GPR158: variants seen among roughly 807,000 people sequenced by gnomAD.
GPR158 encodes the protein G protein-coupled receptor 158, also known as metabotropic glycine receptor.
Under a neutral mutation model 78.2 loss-of-function variants are expected in GPR158, and 30 were observed. The observed-to-expected ratio is 0.38, with a 90% CI of 0.29 to 0.52. The LOEUF (loss-of-function observed/expected upper bound fraction) is 0.52. GPR158 is among the 20% of genes least tolerant of loss of function. The pLI is 0.83. For missense variants in GPR158, 1,463 were observed against 1,523.5 expected (o/e 0.96, Z 0.66); for synonymous variants, 581 against 591.1 (o/e 0.98, Z 0.25).
intron 5 of GPR158, among the ~76,000 whole-genome samples, chr10:25,469,182 T>A (rs1835461228): frequency 6.6e-6 from 1 of 152,204 alleles, no homozygotes; most frequent in Admixed American, 6.5e-5. Context: ...ATGTACACTC[T>A]CTCTTGGTGA....
At position 25,460,895 on chromosome 10, in the gene GPR158, A is replaced by T. The variant is rs116471196; in HGVS notation, c.1336-5756A>T. 2.7e-3 allele frequency among the ~76,000 whole-genome samples: 418 copies of T among 152,300 alleles called. 1 individual carries two copies. The highest frequency in any genetic ancestry group is 9.5e-3 in the African/African-American group (393 of 41,566). ...GTGTCACATTTTGGTAATTCTTGCA[A>T]TATTTCAGCAAATGCTTTTAGTATT... On this transcript the variant is annotated intron_variant, in intron 4 of 10. Coordinates refer to ENST00000376351, the MANE Select transcript of GPR158 (RefSeq NM_020752.3).
intron 2 of GPR158, among the ~76,000 whole-genome samples, chr10:25,272,069 A>G (rs1443757426): frequency 2.6e-5 from 4 of 152,094 alleles, no homozygotes; most frequent in Non-Finnish European, 5.9e-5. Context: ...AGAGGACTCA[A>G]AGGGTTGCTG....
intron 2 of GPR158, among the ~76,000 whole-genome samples, chr10:25,236,561 C>A (rs1213584003): frequency 6.6e-6 from 1 of 152,138 alleles, no homozygotes; most frequent in Non-Finnish European, 1.5e-5. Flanking sequence ...AATACCCAAC[C>A]ACTTGCCTTC....
chr10:25,429,988 A>G (rs1211736490), intron 4 of GPR158, among the ~76,000 whole-genome samples: 1 of 139,902 alleles, frequency 7.1e-6, no homozygotes, highest in Non-Finnish European at 1.6e-5. Flanking sequence ...CCTATTCAAC[A>G]TAGTGTTGGA....
At position 25,212,627 on chromosome 10, in the gene GPR158, C is replaced by CTTTTTTTTTTT. The variant is rs10642944; in HGVS notation, c.903-8413_903-8403dup. 5.2e-4 allele frequency among the ~76,000 whole-genome samples: 41 copies of CTTTTTTTTTTT among 78,574 alleles called. 3 individuals are homozygous for CTTTTTTTTTTT. Among genetic ancestry groups the CTTTTTTTTTTT allele is most frequent in the East Asian group, 1.8e-3 (4 of 2,172 alleles). 51.5% of individuals were successfully genotyped at this position (78,574 alleles called of 152,430 possible). A position where few individuals can be genotyped will look rare whatever the true frequency, so the allele number is the denominator to read the frequency against. On this transcript the variant is annotated intron_variant, in intron 1 of 10. Coordinates refer to ENST00000376351, the MANE Select transcript of GPR158 (RefSeq NM_020752.3). ...TACTTAACTACTAGAGAATTTATAG[C>CTTTTTTTTTTT]TTTTTTTTTTTTTTTTTTTTTTGAG...
At chr10:25,348,574 T>A (rs1484053035) in intron 2 of GPR158, among the ~76,000 whole-genome samples, 1 of 151,946 alleles carries the variant, frequency 6.6e-6, no homozygotes, top group African/African-American at 2.4e-5. Context: ...GGTAATACTA[T>A]CAGCCCTACC....
At position 25,285,364 on chromosome 10, in the gene GPR158, ATG is replaced by A. The variant is rs371587731; in HGVS notation, c.1008+64210_1008+64211del. Among the ~76,000 whole-genome samples the A allele has an allele frequency of 1.1e-3, 172 of 152,108 alleles. 1 individual carries two copies. Among genetic ancestry groups the A allele is most frequent in the African/African-American group, 3.9e-3 (163 of 41,506 alleles). ...GGAGATTTAGTGGGGGGATTGGCTC[ATG>A]TGATTATGGAGGCCTCAGCCTCATG... On this transcript the variant is annotated intron_variant, in intron 2 of 10. Coordinates refer to ENST00000376351, the MANE Select transcript of GPR158 (RefSeq NM_020752.3).
chr10:25,337,402 T>C (rs1855224293), intron 2 of GPR158, among the ~76,000 whole-genome samples: 1 of 152,136 alleles, frequency 6.6e-6, no homozygotes, highest in South Asian at 2.1e-4. Context: ...TTAGATCATG[T>C]AACATGCACC....
intron 4 of GPR158, among the ~76,000 whole-genome samples, chr10:25,412,891 C>T (rs1834612233): frequency 6.6e-6 from 1 of 152,122 alleles, no homozygotes; most frequent in Non-Finnish European, 1.5e-5. Context: ...ATTTTTAGCG[C>T]ATTATACTTT....
intron 2 of GPR158, among the ~76,000 whole-genome samples, chr10:25,293,914 T>C (rs571544062): frequency 1.1e-4 from 17 of 151,984 alleles, no homozygotes; most frequent in African/African-American, 3.9e-4. Flanking sequence ...CCCAGCTAAT[T>C]TTTTGTATTT....
intron 7 of GPR158, among the ~76,000 whole-genome samples, chr10:25,576,168 T>C (rs372974069): frequency 2.0e-5 from 3 of 152,040 alleles, no homozygotes; most frequent in African/African-American, 4.8e-5. Flanking sequence ...GGAGTGTACA[T>C]TGTACCCAGT....
chr10:25,318,468 T>C (rs1854894627), intron 2 of GPR158, among the ~76,000 whole-genome samples: 1 of 152,152 alleles, frequency 6.6e-6, no homozygotes. Context: ...AGTTTAATCA[T>C]AAACCCTTCA....
intron 4 of GPR158, among the ~76,000 whole-genome samples, chr10:25,430,064 T>A (rs1437384131): frequency 6.7e-6 from 1 of 148,420 alleles, no homozygotes. Flanking sequence ...AAAGAGGAAG[T>A]CAAATTGTCC....
chr10:25,373,167 G>T (rs947637340), intron 2 of GPR158, among the ~76,000 whole-genome samples: 1 of 151,864 alleles, frequency 6.6e-6, no homozygotes, highest in African/African-American at 2.4e-5. Context: ...GGAGCTGGAG[G>T]CCATTATCCC....
chr10:25,521,970 A>C (rs1588897293), intron 5 of GPR158, among the ~76,000 whole-genome samples: 1 of 152,236 alleles, frequency 6.6e-6, no homozygotes, highest in Admixed American at 6.5e-5. Context: ...CCAGAAACTC[A>C]CTTGCTTGAT....
At position 25,514,908 on chromosome 10, in the gene GPR158, T is replaced by TA. The variant is rs199590019; in HGVS notation, c.1405-36067dup. On this transcript the variant is annotated intron_variant, in intron 5 of 10. Coordinates refer to ENST00000376351, the MANE Select transcript of GPR158 (RefSeq NM_020752.3). ...GCTGTTAACTTGATAGATTTTCCTT[T>TA]ATAGGTTACCTGGTGCTTTTGCTTC... 3.1e-3 allele frequency among the ~76,000 whole-genome samples: 465 copies of TA among 152,300 alleles called. 1 individual carries two copies. The highest frequency in any genetic ancestry group is 9.4e-3 in the African/African-American group (391 of 41,588).
intron 5 of GPR158, among the ~76,000 whole-genome samples, chr10:25,486,308 C>T (rs1309459030): frequency 1.3e-5 from 2 of 152,092 alleles, no homozygotes; most frequent in Non-Finnish European, 2.9e-5. Context: ...TCTGAACAAT[C>T]TTGAGCTTTA....
At chr10:25,447,218 C>T (rs1835148874) in intron 4 of GPR158, among the ~76,000 whole-genome samples, 1 of 152,090 alleles carries the variant, frequency 6.6e-6, no homozygotes. Context: ...AATGAGTACA[C>T]ATATATATTT....
chr10:25,380,579 A>C (rs10764539), intron 2 of GPR158, among the ~76,000 whole-genome samples: 13,912 of 152,180 alleles, frequency 0.091, 752 homozygotes, highest in East Asian at 0.17. Flanking sequence ...CTTAGTTGTA[A>C]GTTACATTCA....
Sources: gnomAD v4.1 joint callset for allele counts (sites outside exome capture counted in the v4.1 genomes callset) on GRCh38, gnomAD v4.1.1 for gene constraint, MANE v1.5 for transcripts, NCBI Gene and HGNC (gene_info 2026-07-23, HGNC 2026-07-21) for gene names.